The following FRYL variants were observed in gnomAD, a reference collection of about 807,000 sequenced individuals.
FRYL encodes the protein protein furry homolog-like.
A neutral mutation model predicts 351.2 loss-of-function variants in FRYL; 150 were observed. The ratio of observed to expected loss-of-function variants is 0.43; its 90% confidence interval spans 0.37 to 0.49. The LOEUF (loss-of-function observed/expected upper bound fraction) is 0.49, where lower values mean the gene tolerates loss of function less well. Ranked by LOEUF, FRYL falls within the 20% of genes least tolerant of loss-of-function variation. FRYL has a pLI of 0.00. For missense variants in FRYL, 3,036 were observed against 3,619.3 expected, an observed-to-expected ratio of 0.84 and a Z score of 4.13; for synonymous variants, 1,153 against 1,257.1, an observed-to-expected ratio of 0.92 and a Z score of 1.75.
chr4:48,684,217 G>T (rs983931136), intron 3 of FRYL, among the ~76,000 whole-genome samples: 1 of 152,152 alleles, frequency 6.6e-6, no homozygotes, highest in Non-Finnish European at 1.5e-5. Context: ...AGGCATTGAA[G>T]ATATGTCTCT....
At chr4:48,645,715 A>G (rs2149410130) in intron 3 of FRYL, among the ~76,000 whole-genome samples, 1 of 152,272 alleles carries the variant, frequency 6.6e-6, no homozygotes, top group East Asian at 1.9e-4. Flanking sequence ...GTTGTGAACT[A>G]TTGCCTTACC....
Position 48,501,742 on chromosome 4 carries a change from A to C in FRYL, c.8482-9T>G. On this transcript the variant is annotated splice_polypyrimidine_tract_variant and intron_variant, in intron 61 of 63. Transcript: ENST00000358350. ...CGGCAGAGCTCCAATTCCTAGAAAT[A>C]AATAACATTACATTAAATTTAGGTG... 7.0e-7 allele frequency: 1 copy of C among 1,420,148 alleles called. No homozygotes were observed. Among genetic ancestry groups the C allele is most frequent in the African/African-American group, 1.4e-5 (1 of 70,912 alleles). 88.0% of individuals were successfully genotyped at this position (1,420,148 alleles called of 1,614,324 possible). A position where few individuals can be genotyped will look rare whatever the true frequency, so the allele number is the denominator to read the frequency against.
intron 20 of FRYL, among the ~76,000 whole-genome samples, chr4:48,582,136 A>G (rs552482137): frequency 1.4e-3 from 220 of 152,338 alleles, no homozygotes; most frequent in Middle Eastern, 3.4e-3. Context: ...GTTACTGTCT[A>G]TGTGAAACAG....
At chr4:48,751,538 GA>G (rs371868034) in intron 1 of FRYL, among the ~76,000 whole-genome samples, 68 of 152,220 alleles carry the variant, frequency 4.5e-4, no homozygotes, top group Non-Finnish European at 8.8e-4. Flanking sequence ...AGTCTGACAA[GA>G]GATACAAAAG....
intron 59 of FRYL, among the ~76,000 whole-genome samples, chr4:48,508,981 A>G (rs558321996): frequency 5.3e-5 from 8 of 152,312 alleles, no homozygotes; most frequent in Admixed American, 2.0e-4. Flanking sequence ...GCAAAGTCAC[A>G]TTGCAAAGGG....
intron 1 of FRYL, among the ~76,000 whole-genome samples, chr4:48,712,110 G>C (rs548477962): frequency 1.4e-4 from 22 of 152,230 alleles, no homozygotes; most frequent in African/African-American, 5.1e-4. Context: ...AAACCACAAA[G>C]ATGGGGAAAA....
intron 23 of FRYL, among the ~76,000 whole-genome samples, chr4:48,578,770 T>C (rs1443600454): frequency 6.6e-6 from 1 of 152,212 alleles, no homozygotes; most frequent in African/African-American, 2.4e-5. Context: ...TAAAATTTGG[T>C]GAGACTGTAT....
In FRYL at chr4:48,521,068, C is replaced by T. The variant is rs543288550; in HGVS notation, c.7669G>A (p.Ala2557Thr). Residue 2557 changes from alanine (A) to threonine (T), a missense_variant, in exon 55 of 64, where the codon GCT becomes ACT. Ala to Thr is a moderately conservative substitution (Grantham distance 58, BLOSUM62 0). Around this residue, in one of 7 missense-constraint regions of FRYL, gnomAD observed 1,987 missense variants for 2,311.7 expected, o/e 0.86. Coordinates refer to ENST00000358350, the MANE Select transcript of FRYL (RefSeq NM_015030.2). ...TPTLEASLDN[A>T]NSRLPEDTTS... Reference sequence around the variant, plus strand: ...CCCACCTCAGGCAGCCGGCTGTTAGCATTATCTAGAGAAGCCTCCAAAGTT... The same window carrying T: ...CCCACCTCAGGCAGCCGGCTGTTAGTATTATCTAGAGAAGCCTCCAAAGTT... The T allele has an allele frequency of 2.3e-4, 376 of 1,612,288 alleles. 3 individuals carry two copies. In the South Asian group the frequency reaches 3.0e-3, roughly 13 times the overall value.
intron 1 of FRYL, among the ~76,000 whole-genome samples, chr4:48,711,562 A>C (rs1230706857): frequency 6.6e-6 from 1 of 152,258 alleles, no homozygotes; most frequent in Non-Finnish European, 1.5e-5. Flanking sequence ...AGCAGCCGGG[A>C]AGCTCGAACT....
intron 3 of FRYL, among the ~76,000 whole-genome samples, chr4:48,651,288 ACTGT>A (rs1458639533): frequency 3.0e-4 from 13 of 43,912 alleles, no homozygotes; most frequent in African/African-American, 1.1e-3. Flanking sequence ...TCAGGATCTC[ACTGT>A]GTGTGTGTGT....
At chr4:48,644,676 A>AAAAC (rs911918462) in intron 3 of FRYL, among the ~76,000 whole-genome samples, 16 of 152,038 alleles carry the variant, frequency 1.1e-4, no homozygotes, top group South Asian at 2.1e-4. Context: ...CTGACTGGAT[A>AAAAC]AAACAAACAA....
chr4:48,514,532 G>C (rs1347066852), intron 56 of FRYL, among the ~76,000 whole-genome samples: 1 of 152,118 alleles, frequency 6.6e-6, no homozygotes, highest in African/African-American at 2.4e-5. Flanking sequence ...AATGTATGGA[G>C]CATAAACATT....
chr4:48,530,661 G>C (rs908056448), intron 50 of FRYL, among the ~76,000 whole-genome samples: 1 of 152,024 alleles, frequency 6.6e-6, no homozygotes, highest in Non-Finnish European at 1.5e-5. Context: ...GGTACTAGTT[G>C]GAAGTGTCTG....
chr4:48,682,606 A>C (rs890836901), intron 3 of FRYL, among the ~76,000 whole-genome samples: 1 of 152,232 alleles, frequency 6.6e-6, no homozygotes, highest in Non-Finnish European at 1.5e-5. Context: ...AAGTGGTCAA[A>C]GGATATGAAC....
chr4:48,740,740 T>C (rs1189973246), intron 1 of FRYL, among the ~76,000 whole-genome samples: 2 of 152,126 alleles, frequency 1.3e-5, no homozygotes, highest in Non-Finnish European at 2.9e-5. Context: ...CTTAGCAGAA[T>C]GGATAAAATC....
intron 57 of FRYL, among the ~76,000 whole-genome samples, chr4:48,511,655 AAT>A (rs1369644955): frequency 6.6e-6 from 1 of 152,214 alleles, no homozygotes; most frequent in East Asian, 1.9e-4. Context: ...CATCAATAAG[AAT>A]ATGAGTAGAA....
At chr4:48,754,670 T>G (rs1196817948) in intron 1 of FRYL, among the ~76,000 whole-genome samples, 2 of 149,660 alleles carry the variant, frequency 1.3e-5, no homozygotes, top group Non-Finnish European at 3.0e-5. Context: ...TTTTTGGGGT[T>G]TTTTTTTTTT....
At chr4:48,716,385 G>A (rs905715665) in intron 1 of FRYL, among the ~76,000 whole-genome samples, 22 of 151,468 alleles carry the variant, frequency 1.5e-4, no homozygotes, top group Non-Finnish European at 3.0e-4. Flanking sequence ...ATCTGACAAA[G>A]GGCTAATATC....
intron 11 of FRYL, 48 bp downstream of exon 11, chr4:48,605,692 AG>A (rs1323497947): frequency 8.6e-7 from 1 of 1,161,340 alleles, no homozygotes; most frequent in Non-Finnish European, 1.3e-6. Flanking sequence ...AAGGTTGATA[AG>A]GTTCTTGTAT....
Sources: allele counts gnomAD v4.1 joint callset (sites outside exome capture counted in the v4.1 genomes callset), GRCh38; gene constraint gnomAD v4.1.1; regional missense constraint gnomAD v4.1.1; transcripts MANE v1.5; gene names NCBI Gene and HGNC (gene_info 2026-07-23, HGNC 2026-07-21).